CACNA2D3: variants seen among roughly 807,000 people sequenced by gnomAD.
CACNA2D3 encodes the protein calcium voltage-gated channel auxiliary subunit alpha2delta 3.
In CACNA2D3, 60 loss-of-function variants were observed where a neutral mutation model predicts 160.6. That is an observed-to-expected ratio of 0.37 (90% CI 0.30 to 0.46). The LOEUF (loss-of-function observed/expected upper bound fraction) is 0.46. Among genes scored for constraint, CACNA2D3 ranks in the 20% least tolerant of loss-of-function variants. CACNA2D3 has a pLI of 1.00. For synonymous variants in CACNA2D3, 558 were observed against 492.9 expected (o/e 1.13, Z -1.75); for missense variants, 1,205 against 1,365.0 (o/e 0.88, Z 1.85).
intron 4 of CACNA2D3, among the ~76,000 whole-genome samples, chr3:54,461,032 A>C (rs1458501324): frequency 2.7e-5 from 4 of 147,662 alleles, no homozygotes; most frequent in Admixed American, 2.0e-4. Context: ...TATTGAGATA[A>C]TCATGTTGTT....
At chr3:54,483,536 AGT>A (rs1464319322) in intron 4 of CACNA2D3, among the ~76,000 whole-genome samples, 4 of 152,208 alleles carry the variant, frequency 2.6e-5, no homozygotes, top group African/African-American at 9.6e-5. Context: ...TCTCAAATGA[AGT>A]GTCAAGGCAC....
At chr3:54,632,972 CAG>C (rs902400860) in intron 10 of CACNA2D3, among the ~76,000 whole-genome samples, 8 of 152,180 alleles carry the variant, frequency 5.3e-5, no homozygotes, top group African/African-American at 1.9e-4. Flanking sequence ...GTGACAGTGT[CAG>C]GGGCTGCGTC....
intron 4 of CACNA2D3, among the ~76,000 whole-genome samples, chr3:54,491,245 A>C (rs1485227361): frequency 6.6e-6 from 1 of 152,076 alleles, no homozygotes; most frequent in African/African-American, 2.4e-5. Context: ...CCTCTTAGGG[A>C]GTTTGCAGCC....
chr3:54,900,027 A>C (rs17253231), intron 27 of CACNA2D3, among the ~76,000 whole-genome samples, 159 bp downstream of exon 27: 17,327 of 152,206 alleles, frequency 0.11, 1,111 homozygotes, highest in African/African-American at 0.15. Context: ...CATCTCCTTC[A>C]AACCAAGACT....
At chr3:54,666,733 C>A (rs1252770867) in intron 11 of CACNA2D3, among the ~76,000 whole-genome samples, 1 of 152,166 alleles carries the variant, frequency 6.6e-6, no homozygotes, top group Non-Finnish European at 1.5e-5. Context: ...AGGCGTTAAA[C>A]CACGTTTTTC....
intron 13 of CACNA2D3, among the ~76,000 whole-genome samples, chr3:54,771,984 A>G (rs1175965725): frequency 6.6e-6 from 1 of 152,012 alleles, no homozygotes; most frequent in Non-Finnish European, 1.5e-5. Context: ...ATTCTTCATC[A>G]TAACATTTCT....
At chr3:54,685,048 G>T (rs1056481565) in intron 11 of CACNA2D3, among the ~76,000 whole-genome samples, 1 of 152,140 alleles carries the variant, frequency 6.6e-6, no homozygotes, top group Non-Finnish European at 1.5e-5. Flanking sequence ...CTGCATGTGC[G>T]TCTTGGCAGC....
chr3:54,755,816 AT>A (rs1387419591), intron 12 of CACNA2D3, among the ~76,000 whole-genome samples: 1 of 151,248 alleles, frequency 6.6e-6, no homozygotes, highest in African/African-American at 2.4e-5. Flanking sequence ...CCATTTTTTA[AT>A]TTTTTTTAAA....
chr3:54,470,191 G>A lies in CACNA2D3; in HGVS notation c.382-33301G>A, dbSNP rs563878589. Reference sequence around the variant, plus strand: ...AAGGGCAGCCAGAGAGAAAGGTTGGGTTACCCACAAAAGGAAGCCCATCAG... The same window carrying A: ...AAGGGCAGCCAGAGAGAAAGGTTGGATTACCCACAAAAGGAAGCCCATCAG... On this transcript the variant is annotated intron_variant, in intron 4 of 37. Transcript: ENST00000474759. 8.5e-5 allele frequency among the ~76,000 whole-genome samples: 13 copies of A among 152,292 alleles called. No homozygotes were observed. In the East Asian group the frequency reaches 2.5e-3, roughly 29 times the overall value.
Position 54,529,250 on chromosome 3 carries a change from G to A in CACNA2D3, c.544+25596G>A, listed in dbSNP as rs191573275. On this transcript the variant is annotated intron_variant, in intron 5 of 37. Transcript: ENST00000474759. Reference sequence around the variant, plus strand: ...GTGGGCTCATGTAGTATGCATACCCGTTTCTTAACAGTAGGCGTTCATGTT... The same window carrying A: ...GTGGGCTCATGTAGTATGCATACCCATTTCTTAACAGTAGGCGTTCATGTT... Among the ~76,000 whole-genome samples the A allele has an allele frequency of 5.3e-5, 8 of 152,092 alleles. No homozygotes were observed. In the East Asian group the frequency reaches 9.6e-4, roughly 18 times the overall value.
Position 54,791,382 on chromosome 3 carries a change from T to G in CACNA2D3, c.1381-25471T>G, listed in dbSNP as rs182943804. The stretch of plus-strand genomic sequence containing the variant: ...TTCAGAGCAGATGCAAAGACAGAAA[T>G]ATGGAGGGAAAATAACAAGGAAGAG... On this transcript the variant is annotated intron_variant, in intron 13 of 37. Transcript: ENST00000474759. Among the ~76,000 whole-genome samples, 7 of 152,248 alleles carry G rather than the reference T, an allele frequency of 4.6e-5. No homozygotes were observed. In the East Asian group the frequency reaches 1.4e-3, roughly 29 times the overall value.
intron 3 of CACNA2D3, among the ~76,000 whole-genome samples, chr3:54,373,363 C>T (rs919098510): frequency 6.6e-6 from 1 of 152,124 alleles, no homozygotes; most frequent in Non-Finnish European, 1.5e-5. Flanking sequence ...CTTCAGAAGT[C>T]GAGTGACTCA....
rs187393569 is a variant in CACNA2D3 at position 54,133,959 on chromosome 3, C to T, written c.204+10365C>T. ...GGGTCATGATAGGGAGGATTAAGTA[C>T]GGAGGCATGTGACGGTCTTAGCACA... On this transcript the variant is annotated intron_variant, in intron 2 of 37. Transcript: ENST00000474759. Among the ~76,000 whole-genome samples, 453 of 152,268 alleles carry T rather than the reference C, an allele frequency of 3.0e-3. 11 individuals are homozygous for T. The highest frequency in any genetic ancestry group is 0.027 in the Admixed American group (415 of 15,298).
intron 27 of CACNA2D3, among the ~76,000 whole-genome samples, chr3:54,939,368 A>G (rs1701406363): frequency 6.6e-6 from 1 of 152,214 alleles, no homozygotes; most frequent in Admixed American, 6.5e-5. Flanking sequence ...CATCTGCCGG[A>G]CTTCAAAGCC....
intron 4 of CACNA2D3, among the ~76,000 whole-genome samples, chr3:54,391,833 A>T (rs1262827773): frequency 2.0e-5 from 3 of 152,064 alleles, no homozygotes; most frequent in Non-Finnish European, 2.9e-5. Context: ...TTTCTTGTGG[A>T]CACTGGTGTC....
Position 54,879,365 on chromosome 3 carries a change from A to T in CACNA2D3, c.1798A>T (p.Met600Leu). 1 of 1,602,838 alleles carries T rather than the reference A, an allele frequency of 6.2e-7. No homozygotes were observed. Among genetic ancestry groups the T allele is most frequent in the Admixed American group, 1.7e-5 (1 of 58,996 alleles). Residue 600 changes from methionine (M) to leucine (L), a missense_variant, in exon 20 of 38, where the codon ATG becomes TTG. This residue lies in a region of CACNA2D3 where 911 missense variants were observed against 1,002.2 expected (regional missense o/e 0.91). Coordinates refer to ENST00000474759, the MANE Select transcript of CACNA2D3 (RefSeq NM_018398.3). ...TVDKGKRVLV[M>L]TNDYYYTDIK... The stretch of plus-strand genomic sequence containing the variant: ...TTCAATCTAGAAACGGGTTTTGGTG[A>T]TGACAAATGACTACTATTATACAGA...
intron 2 of CACNA2D3, among the ~76,000 whole-genome samples, chr3:54,199,452 G>C (rs4928008): frequency 0.97 from 147,207 of 152,140 alleles, 71,279 homozygotes; most frequent in East Asian, 1. Flanking sequence ...CAACCCCTAC[G>C]TGCCAGGCTC....
chr3:54,467,456 A>G (rs1700648987), intron 4 of CACNA2D3, among the ~76,000 whole-genome samples: 1 of 152,210 alleles, frequency 6.6e-6, no homozygotes, highest in Non-Finnish European at 1.5e-5. Flanking sequence ...GATGGGTCTC[A>G]AGTCTTAGCT....
chr3:54,729,538 G>A (rs955499929), intron 11 of CACNA2D3, among the ~76,000 whole-genome samples: 1 of 152,168 alleles, frequency 6.6e-6, no homozygotes, highest in Non-Finnish European at 1.5e-5. Flanking sequence ...ATTGGGTGGT[G>A]GCAGACATCT....
Sources: gnomAD v4.1 joint callset for allele counts (sites outside exome capture counted in the v4.1 genomes callset) on GRCh38, gnomAD v4.1.1 for gene constraint, gnomAD v4.1.1 regional missense constraint, MANE v1.5 for transcripts, NCBI Gene and HGNC (gene_info 2026-07-23, HGNC 2026-07-21) for gene names.